CTNNA2: variants seen among roughly 807,000 people sequenced by gnomAD.
The protein encoded by CTNNA2 is catenin alpha 2, also known as catenin alpha-2.
In CTNNA2, 42 loss-of-function variants were observed where a neutral mutation model predicts 101.0. The observed-to-expected ratio is 0.42, with a 90% confidence interval of 0.32 to 0.54. The LOEUF is 0.54. Ranked by LOEUF, CTNNA2 falls within the 20% of genes least tolerant of loss-of-function variation. The probability of loss-of-function intolerance (pLI) is 0.14; values close to 1 mark genes in which losing one functional copy is unlikely to be tolerated. For missense variants in CTNNA2, 871 were observed against 1,223.1 expected (o/e 0.71, Z 4.29); for synonymous variants, 450 against 456.4 (o/e 0.99, Z 0.18).
intron 4 of CTNNA2, among the ~76,000 whole-genome samples, chr2:79,486,222 C>T (rs185952277): frequency 0.026 from 3,696 of 143,970 alleles, 181 homozygotes; most frequent in African/African-American, 0.092. Context: ...TATCCCTCCC[C>T]CCTTCCCCCA....
chr2:79,410,370 G>C (rs1402771944), intron 4 of CTNNA2, among the ~76,000 whole-genome samples: 4 of 147,840 alleles, frequency 2.7e-5, no homozygotes, highest in African/African-American at 5.0e-5. Context: ...GGGCATCCCT[G>C]TCTTGTGCCA....
At chr2:79,655,906 A>G (rs1022991491) in intron 2 of CTNNA2, among the ~76,000 whole-genome samples, 1 of 152,158 alleles carries the variant, frequency 6.6e-6, no homozygotes, top group Non-Finnish European at 1.5e-5. Flanking sequence ...GACAAAAGCA[A>G]TGCATTAAAA....
chr2:80,337,851 C>T (rs72912808), intron 7 of CTNNA2, among the ~76,000 whole-genome samples: 4,715 of 152,196 alleles, frequency 0.031, 238 homozygotes, highest in African/African-American at 0.11. Context: ...TTATAGTAAG[C>T]GAATTGACCC....
At chr2:79,740,190 A>T (rs1278398952) in intron 2 of CTNNA2, among the ~76,000 whole-genome samples, 2 of 152,020 alleles carry the variant, frequency 1.3e-5, no homozygotes, top group African/African-American at 2.4e-5. Context: ...GATAGGCCCC[A>T]GTGTGTGTTG....
intron 3 of CTNNA2, among the ~76,000 whole-genome samples, chr2:79,749,836 T>C (rs527693662): frequency 6.6e-6 from 1 of 152,362 alleles, no homozygotes; most frequent in South Asian, 2.1e-4. Context: ...AAACGCTAAA[T>C]GTTCTATAGA....
intron 3 of CTNNA2, among the ~76,000 whole-genome samples, chr2:79,320,538 G>A (rs1676596473): frequency 6.6e-6 from 1 of 152,142 alleles, no homozygotes; most frequent in African/African-American, 2.4e-5. Flanking sequence ...GCCCAGGGCT[G>A]AGAAGAGTCT....
intron 8 of CTNNA2, among the ~76,000 whole-genome samples, chr2:80,407,264 G>A (rs982250394): frequency 6.6e-6 from 1 of 152,156 alleles, no homozygotes; most frequent in South Asian, 2.1e-4. Flanking sequence ...AGCCTCCTCA[G>A]TTCTCTTCTT....
chr2:80,362,846 G>A (rs888167111), intron 7 of CTNNA2, among the ~76,000 whole-genome samples: 4 of 151,862 alleles, frequency 2.6e-5, no homozygotes, highest in Admixed American at 1.3e-4. Context: ...GGAACTGGGC[G>A]TGGTGGTGCA....
intron 1 of CTNNA2, among the ~76,000 whole-genome samples, chr2:79,579,569 C>T (rs1457673034): frequency 6.6e-6 from 1 of 152,116 alleles, no homozygotes; most frequent in African/African-American, 2.4e-5. Context: ...ACAGTATGAT[C>T]TAACCTCCAA....
chr2:80,292,253 A>G (rs889105617), intron 7 of CTNNA2, among the ~76,000 whole-genome samples: 3 of 152,154 alleles, frequency 2.0e-5, no homozygotes, highest in African/African-American at 7.2e-5. Flanking sequence ...CTCAGTAACA[A>G]TGGGCTTAAT....
intron 7 of CTNNA2, among the ~76,000 whole-genome samples, chr2:80,371,484 ATGCAT>A (rs1338187419): frequency 1.3e-5 from 2 of 151,166 alleles, no homozygotes; most frequent in African/African-American, 4.9e-5. Context: ...TGGTAGAAAG[ATGCAT>A]GAAGTGCAGT....
intron 1 of CTNNA2, among the ~76,000 whole-genome samples, chr2:79,577,342 GA>G (rs1384711840): frequency 2.0e-5 from 3 of 151,882 alleles, no homozygotes; most frequent in Non-Finnish European, 4.4e-5. Flanking sequence ...AATATATTTA[GA>G]AATTAAACAA....
chr2:79,199,369 T>C (rs77004284), intron 2 of CTNNA2, among the ~76,000 whole-genome samples: 3,541 of 152,238 alleles, frequency 0.023, 101 homozygotes, highest in East Asian at 0.1. Flanking sequence ...TAGTCAGTAA[T>C]TGGTTCAGGA....
intron 3 of CTNNA2, among the ~76,000 whole-genome samples, chr2:79,801,340 G>A (rs1471265830): frequency 1.1e-4 from 16 of 152,146 alleles, no homozygotes; most frequent in African/African-American, 2.4e-5. Context: ...ACTCTTGGGG[G>A]AAACCATCTA....
At chr2:79,821,094 T>C (rs1677965151) in intron 3 of CTNNA2, among the ~76,000 whole-genome samples, 1 of 152,228 alleles carries the variant, frequency 6.6e-6, no homozygotes, top group Non-Finnish European at 1.5e-5. Flanking sequence ...ATCTTTTCTT[T>C]AGCTTGTCAC....
intron 3 of CTNNA2, among the ~76,000 whole-genome samples, chr2:79,367,741 T>C (rs1350073813): frequency 5.9e-5 from 9 of 152,114 alleles, no homozygotes; most frequent in Non-Finnish European, 1.3e-4. Flanking sequence ...CTCTGGCAAT[T>C]AGAAATTATG....
At chr2:80,002,735 C>G (rs1693040049) in intron 7 of CTNNA2, among the ~76,000 whole-genome samples, 1 of 152,120 alleles carries the variant, frequency 6.6e-6, no homozygotes, top group African/African-American at 2.4e-5. Flanking sequence ...ACCCCCTGAT[C>G]AATCAAGTAT....
chr2:80,004,517 G>A (rs1395553574), intron 7 of CTNNA2, among the ~76,000 whole-genome samples: 4 of 152,076 alleles, frequency 2.6e-5, no homozygotes, highest in African/African-American at 7.2e-5. Context: ...AGGCAGATGG[G>A]TCAATGCTTT....
intron 7 of CTNNA2, among the ~76,000 whole-genome samples, chr2:80,234,068 A>G (rs946258474): frequency 6.7e-6 from 1 of 149,710 alleles, no homozygotes; most frequent in Non-Finnish European, 1.5e-5. Flanking sequence ...TTTTTTTGAG[A>G]TGGCATCTCA....
Sources: gnomAD v4.1 joint callset for allele counts (sites outside exome capture counted in the v4.1 genomes callset) on GRCh38, gnomAD v4.1.1 for gene constraint, MANE v1.5 for transcripts, NCBI Gene and HGNC (gene_info 2026-07-23, HGNC 2026-07-21) for gene names.